Variants in FAT3 observed in about 807,000 individuals in gnomAD.
The protein encoded by FAT3 is protocadherin Fat 3.
In FAT3, 95 loss-of-function variants were observed where a neutral mutation model predicts 310.2. That is an observed-to-expected ratio of 0.31 (90% CI 0.26 to 0.36). The LOEUF (loss-of-function observed/expected upper bound fraction) is 0.36, where lower values mean the gene tolerates loss of function less well. Among genes scored for constraint, FAT3 ranks in the 10% least tolerant of loss-of-function variants. FAT3 has a pLI of 1.00. For missense variants in FAT3, 5,408 were observed against 5,715.6 expected, an observed-to-expected ratio of 0.95 and a Z score of 1.74; for synonymous variants, 2,314 against 2,192.9, an observed-to-expected ratio of 1.06 and a Z score of -1.54.
At position 92,352,504 on chromosome 11, in the gene FAT3, G is replaced by T. The variant is rs1948596221; in HGVS notation, c.392G>T (p.Gly131Val). 3 of 1,613,104 alleles carry T rather than the reference G, an allele frequency of 1.9e-6. No homozygotes were observed. Among genetic ancestry groups the T allele is most frequent in the East Asian group, 2.2e-5 (1 of 44,858 alleles). Residue 131 changes from glycine (G) to valine (V), a missense_variant, in exon 2 of 28, where the codon GGT becomes GTT. Gly to Val is a moderately radical substitution (Grantham distance 109, BLOSUM62 -3). This residue lies in a region of FAT3 where 152 missense variants were observed against 188.3 expected (regional missense o/e 0.81). Coordinates refer to ENST00000525166, the MANE Select transcript of FAT3 (RefSeq NM_001367949.2). ...IQDNYLLIVKGSVRGEDLEAW... is the reference protein window; with the variant it reads ...IQDNYLLIVKVSVRGEDLEAW... ...GATAATTATTTATTGATAGTAAAAG[G>T]TTCTGTCAGAGGAGAGGATTTGGAA...
At position 92,879,760 on chromosome 11, in the gene FAT3, C is replaced by T. The variant is rs575407918; in HGVS notation, c.12128-971C>T. 3.4e-4 allele frequency among the ~76,000 whole-genome samples: 51 copies of T among 152,008 alleles called. No individual in the cohort carries two copies. The South Asian group carries it at 0.011, about 32-fold the overall frequency. On this transcript the variant is annotated intron_variant, in intron 22 of 27. Transcript: ENST00000525166. Reference sequence around the variant, plus strand: ...CATAGTGGAAAGCTAATAGAAAATGCCTAACACTAAAATAATCACAAAAAT... The same window carrying T: ...CATAGTGGAAAGCTAATAGAAAATGTCTAACACTAAAATAATCACAAAAAT...
chr11:92,342,637 G>A (rs1028426431), intron 1 of FAT3, among the ~76,000 whole-genome samples: 3 of 151,966 alleles, frequency 2.0e-5, no homozygotes, highest in African/African-American at 7.3e-5. Flanking sequence ...CTATTTATTT[G>A]TCCCATTTGA....
intron 1 of FAT3, among the ~76,000 whole-genome samples, chr11:92,335,524 T>C (rs1033273435): frequency 1.3e-5 from 2 of 152,230 alleles, no homozygotes; most frequent in Non-Finnish European, 2.9e-5. Flanking sequence ...AGCTCAGGTG[T>C]TCTGCACCTT....
At chr11:92,611,152 G>A (rs1940543241) in intron 3 of FAT3, among the ~76,000 whole-genome samples, 1 of 152,096 alleles carries the variant, frequency 6.6e-6, no homozygotes, top group Non-Finnish European at 1.5e-5. Flanking sequence ...AAGAGACAGA[G>A]TCTCACTCTG....
At chr11:92,264,972 T>C (rs1294314624) in intron 1 of FAT3, among the ~76,000 whole-genome samples, 2 of 151,936 alleles carry the variant, frequency 1.3e-5, no homozygotes, top group African/African-American at 4.8e-5. Context: ...TCATAAGGAC[T>C]GAATTCTGTG....
At chr11:92,380,829 G>T (rs748452519) in intron 2 of FAT3, among the ~76,000 whole-genome samples, 11 of 152,156 alleles carry the variant, frequency 7.2e-5, no homozygotes, top group Non-Finnish European at 1.3e-4. Context: ...AAAGTCTTTG[G>T]AGAAACCTTA....
intron 21 of FAT3, 135 bp from the exon 22 acceptor site, chr11:92,866,606 A>G: frequency 1.3e-6 from 1 of 755,090 alleles, no homozygotes; most frequent in Non-Finnish European, 2.1e-6. Flanking sequence ...ACCACAACAG[A>G]TTTATGAGTA....
chr11:92,603,177 G>A (rs2135593976), intron 3 of FAT3, among the ~76,000 whole-genome samples: 1 of 152,280 alleles, frequency 6.6e-6, no homozygotes, highest in Admixed American at 6.5e-5. Context: ...AGTCATTAGA[G>A]AGAATTACAG....
chr11:92,787,613 T>C (rs974747199), intron 7 of FAT3, among the ~76,000 whole-genome samples: 1 of 151,366 alleles, frequency 6.6e-6, no homozygotes, highest in Non-Finnish European at 1.5e-5. Flanking sequence ...GTATTTTAAA[T>C]TGCAATTATG....
intron 2 of FAT3, among the ~76,000 whole-genome samples, chr11:92,383,848 T>TGA (rs1430930052): frequency 1.3e-5 from 2 of 150,716 alleles, no homozygotes; most frequent in African/African-American, 4.9e-5. Flanking sequence ...TTAAAAAGAG[T>TGA]GAGAGAGAGA....
intron 2 of FAT3, among the ~76,000 whole-genome samples, chr11:92,432,486 C>A (rs972635265): frequency 6.6e-6 from 1 of 152,124 alleles, no homozygotes; most frequent in Non-Finnish European, 1.5e-5. Flanking sequence ...CTATAGCTTT[C>A]TGTTTGTTAG....
chr11:92,338,489 C>T (rs1449140624), intron 1 of FAT3, among the ~76,000 whole-genome samples: 1 of 152,086 alleles, frequency 6.6e-6, no homozygotes, highest in Non-Finnish European at 1.5e-5. Context: ...CAGGATTTGA[C>T]AGCCGCTGCC....
At chr11:92,480,859 A>G (rs1469664580) in intron 2 of FAT3, among the ~76,000 whole-genome samples, 1 of 152,218 alleles carries the variant, frequency 6.6e-6, no homozygotes, top group African/African-American at 2.4e-5. Context: ...TTATGATTTC[A>G]TGAATGGGAC....
At chr11:92,262,260 T>A (rs534049206) in intron 1 of FAT3, among the ~76,000 whole-genome samples, 5 of 152,280 alleles carry the variant, frequency 3.3e-5, no homozygotes, top group Non-Finnish European at 7.4e-5. Context: ...TGGGTAGTTT[T>A]AATAGCCTTC....
At chr11:92,645,664 A>G (rs749358581) in intron 3 of FAT3, among the ~76,000 whole-genome samples, 6 of 152,204 alleles carry the variant, frequency 3.9e-5, no homozygotes, top group Non-Finnish European at 7.3e-5. Context: ...GTTGGGAATG[A>G]CACATTTAGC....
intron 2 of FAT3, among the ~76,000 whole-genome samples, chr11:92,461,633 A>G (rs1185354260): frequency 4.6e-5 from 7 of 152,102 alleles, no homozygotes; most frequent in Admixed American, 4.6e-4. Context: ...CTCCAAGTAG[A>G]GGACACTGTG....
At chr11:92,481,585 A>G (rs867412396) in intron 2 of FAT3, among the ~76,000 whole-genome samples, 1 of 152,194 alleles carries the variant, frequency 6.6e-6, no homozygotes, top group Non-Finnish European at 1.5e-5. Context: ...GGTTCAGATA[A>G]TTTCTCAGGA....
In FAT3 at chr11:92,573,772, C is replaced by G. The variant is rs114196001; in HGVS notation, c.3607+48824C>G. ...GAGAGTCATGGGACAGATTCTCCCT[C>G]AGAGCCTCCAGAGTGAACCAAACCT... On this transcript the variant is annotated intron_variant, in intron 3 of 27. Transcript: ENST00000525166. 9.9e-4 allele frequency among the ~76,000 whole-genome samples: 150 copies of G among 152,184 alleles called. 2 individuals carry two copies. Among genetic ancestry groups the G allele is most frequent in the African/African-American group, 3.5e-3 (145 of 41,532 alleles).
At chr11:92,676,110 C>T (rs1269863551) in intron 3 of FAT3, among the ~76,000 whole-genome samples, 1 of 152,092 alleles carries the variant, frequency 6.6e-6, no homozygotes, top group South Asian at 2.1e-4. Flanking sequence ...AAGCAGCGAG[C>T]AGCAAATATC....
Sources: allele counts gnomAD v4.1 joint callset (sites outside exome capture counted in the v4.1 genomes callset), GRCh38; gene constraint gnomAD v4.1.1; regional missense constraint gnomAD v4.1.1; transcripts MANE v1.5; gene names NCBI Gene and HGNC (gene_info 2026-07-23, HGNC 2026-07-21).